ALDH4A1: variants seen among roughly 807,000 people sequenced by gnomAD.
ALDH4A1 encodes the protein delta-1-pyrroline-5-carboxylate dehydrogenase, mitochondrial.
A neutral mutation model predicts 70.5 loss-of-function variants in ALDH4A1; 46 were observed. The observed-to-expected ratio is 0.65, with a 90% CI of 0.51 to 0.83. The LOEUF (loss-of-function observed/expected upper bound fraction) is 0.83. ALDH4A1 is among the 40% of genes least tolerant of loss of function. The probability of loss-of-function intolerance (pLI) is 0.00; values close to 1 mark genes in which losing one functional copy is unlikely to be tolerated. For missense variants in ALDH4A1, 749 were observed against 766.5 expected, an observed-to-expected ratio of 0.98 and a Z score of 0.27; for synonymous variants, 323 against 324.3, an observed-to-expected ratio of 1.00 and a Z score of 0.04.
In ALDH4A1 at chr1:18,874,466, AG is replaced by A. The variant is rs1934581618; in HGVS notation, c.1575del (p.Ser526LeufsTer119). ...VGQQPFGGARASGTNDKPGGP... is the reference protein window; with the variant it reads ...VGQQPFGGARXSGTNDKPGGP... ...GTGGGAAGGGGGACCCACTCACCAG[AG>A]GCTCGGGCCCCCCCAAAGGGCTGCT... On this transcript the variant is annotated frameshift_variant, in exon 14 of 15. Coordinates refer to ENST00000375341, the MANE Select transcript of ALDH4A1 (RefSeq NM_003748.4). LOFTEE classifies it high-confidence loss of function. The A allele has an allele frequency of 3.1e-6, 5 of 1,613,728 alleles. No homozygotes were observed. In the African/African-American group the frequency reaches 6.7e-5, roughly 22 times the overall value.
intron 3 of ALDH4A1, 152 bp from the exon 4 acceptor site, chr1:18,886,663 G>T: frequency 1.2e-6 from 1 of 813,886 alleles, no homozygotes; most frequent in Non-Finnish European, 2.1e-6. Context: ...CCCAGTGCCC[G>T]GCCCACAGGT....
chr1:18,889,591 A>G, intron 2 of ALDH4A1, 137 bp from the exon 3 acceptor site: 1 of 756,760 alleles, frequency 1.3e-6, no homozygotes. Context: ...GTCGGTGGCC[A>G]TCAGAGAACA....
intron 14 of ALDH4A1, among the ~76,000 whole-genome samples, chr1:18,873,297 C>G (rs1461502530): frequency 6.6e-6 from 1 of 152,188 alleles, no homozygotes; most frequent in Non-Finnish European, 1.5e-5. Context: ...AGGTACATAT[C>G]TAGCCTTCAC....
At position 18,879,236 on chromosome 1, in the gene ALDH4A1, T is replaced by A. The variant is rs534677474; in HGVS notation, c.940+64A>T. 15 of 1,483,330 alleles carry A rather than the reference T, an allele frequency of 1.0e-5. No individual in the cohort carries two copies. In the Admixed American group the frequency reaches 2.5e-4, roughly 25 times the overall value. 91.9% of individuals were successfully genotyped at this position (1,483,330 alleles called of 1,614,324 possible). On this transcript the variant is annotated intron_variant, in intron 9 of 14. Transcript: ENST00000375341. ...TGGATCCCCTCTACCTCCCTCCTCT[T>A]TCATAATGGCCAGGGGAGGGGTCCC...
chr1:18,890,597 G>T, intron 1 of ALDH4A1: 2 of 804,530 alleles, frequency 2.5e-6, no homozygotes, highest in Non-Finnish European at 3.0e-6. Context: ...CAAGGTTCAA[G>T]TCCCAGTCCC....
chr1:18,872,995 G>A, intron 14 of ALDH4A1, 38 bp from the exon 15 acceptor site: 1 of 1,542,004 alleles, frequency 6.5e-7, no homozygotes, highest in Non-Finnish European at 9.0e-7. Context: ...CTGAAAAGAT[G>A]CAACAGCCTG....
Position 18,880,545 on chromosome 1 carries a change from C to A in ALDH4A1, c.866+1155G>T, listed in dbSNP as rs1279558628. Among the ~76,000 whole-genome samples, 1 of 152,106 alleles carries A rather than the reference C, an allele frequency of 6.6e-6. No individual in the cohort carries two copies. The highest frequency in any genetic ancestry group is 1.5e-5 in the Non-Finnish European group (1 of 68,020). On this transcript the variant is annotated intron_variant, in intron 8 of 14. Coordinates refer to ENST00000375341, the MANE Select transcript of ALDH4A1 (RefSeq NM_003748.4). This position sits in a 1 kb window ranked among gnomAD's most constrained non-coding sequence, Gnocchi z 5.1. ...GAGGTCAACAGTCCCTGGCCAGTCT[C>A]CTGCATCAGGTCACAGAGAGATCAC... is the stretch of plus-strand genomic sequence containing the variant.
At position 18,902,533 on chromosome 1, in the gene ALDH4A1, G is replaced by A. The variant is rs1464491219; in HGVS notation, c.-10C>T. On this transcript the variant is annotated 5_prime_UTR_variant, in exon 1 of 15. Transcript: ENST00000375341. ...GCGCCGGCAGCAGCATCTCGGGTTA[G>A]AAGCGGGGCTGTTCGCTGGATCGTC... The A allele has an allele frequency of 2.0e-6, 3 of 1,487,436 alleles. No individual in the cohort carries two copies. The highest frequency in any genetic ancestry group is 2.7e-6 in the Non-Finnish European group (3 of 1,119,536). The allele number at this position is 1,487,436 out of a possible 1,614,324, so 92.1% of individuals were successfully genotyped here. A position where few individuals can be genotyped will look rare whatever the true frequency, so the allele number is the denominator to read the frequency against.
chr1:18,874,878 A>G (rs935128849), intron 13 of ALDH4A1, among the ~76,000 whole-genome samples: 1 of 151,988 alleles, frequency 6.6e-6, no homozygotes, highest in African/African-American at 2.4e-5. Context: ...AGCAGCGGAA[A>G]CTCCAGCTCC....
chr1:18,881,582 T>C, intron 8 of ALDH4A1, 118 bp downstream of exon 8: 1 of 1,103,342 alleles, frequency 9.1e-7, no homozygotes, highest in Non-Finnish European at 1.4e-6. Context: ...ACACAGCAAG[T>C]AAGGGAGTAG....
chr1:18,875,298 T>A, intron 13 of ALDH4A1, 84 bp downstream of exon 13: 2 of 1,605,848 alleles, frequency 1.2e-6, no homozygotes, highest in Non-Finnish European at 1.7e-6. Context: ...GCATTATTAC[T>A]GGGAACCACG....
chr1:18,882,411 T>C (rs551970787), intron 7 of ALDH4A1: 13 of 400,352 alleles, frequency 3.2e-5, no homozygotes, highest in South Asian at 2.1e-4. Flanking sequence ...GACAACTATG[T>C]GGACCTCTCC....
At chr1:18,876,488 G>C in intron 11 of ALDH4A1, 21 bp from the exon 12 acceptor site, 1 of 1,566,420 alleles carries the variant, frequency 6.4e-7, no homozygotes, top group Non-Finnish European at 8.6e-7. Context: ...CAGGGAGGAG[G>C]GAGGTCTAAG....
intron 5 of ALDH4A1, among the ~76,000 whole-genome samples, chr1:18,884,085 T>TA (rs1321219236): frequency 1.3e-5 from 2 of 152,148 alleles, no homozygotes; most frequent in Non-Finnish European, 2.9e-5. Flanking sequence ...CACGACCTAT[T>TA]AGAGACACAC....
At chr1:18,899,443 T>C (rs1935725493) in intron 1 of ALDH4A1, among the ~76,000 whole-genome samples, 1 of 152,218 alleles carries the variant, frequency 6.6e-6, no homozygotes, top group African/African-American at 2.4e-5. Flanking sequence ...AGAAGTGAAC[T>C]CTTATAAGCC....
At chr1:18,877,114 T>G in intron 11 of ALDH4A1, 94 bp downstream of exon 11, 1 of 1,484,902 alleles carries the variant, frequency 6.7e-7, no homozygotes, top group South Asian at 1.2e-5. Flanking sequence ...GGCTGGGTCA[T>G]GCCCTGGGTC....
intron 8 of ALDH4A1, among the ~76,000 whole-genome samples, chr1:18,879,660 C>T (rs1934885546): frequency 6.6e-6 from 1 of 152,188 alleles, no homozygotes; most frequent in Non-Finnish European, 1.5e-5. Flanking sequence ...TTCTGCACCT[C>T]ATCTGGGAAA....
Position 18,875,545 on chromosome 1 carries a change from G to GGACCAGGGCCCTGAGCCC in ALDH4A1, c.1339-60_1339-43dup, listed in dbSNP as rs543087545. On this transcript the variant is annotated intron_variant, in intron 12 of 14. Transcript: ENST00000375341. The stretch of plus-strand genomic sequence containing the variant: ...GGCGTCAGACCCTCCACGGGACCAG[G>GGACCAGGGCCCTGAGCCC]GACCAGGGCCCTGAGCCCTCCCAGT... 318 of 1,613,386 alleles carry GGACCAGGGCCCTGAGCCC rather than the reference G, an allele frequency of 2.0e-4. 3 individuals carry two copies. In the South Asian group the frequency reaches 3.3e-3, roughly 17 times the overall value.
intron 7 of ALDH4A1, chr1:18,882,488 C>CA: frequency 1.6e-5 from 8 of 500,806 alleles, no homozygotes; most frequent in South Asian, 1.1e-4. Flanking sequence ...CAGTAATAGC[C>CA]AACCTCACTC....
Sources: allele counts gnomAD v4.1 joint callset (sites outside exome capture counted in the v4.1 genomes callset), GRCh38; gene constraint gnomAD v4.1.1; non-coding constraint Gnocchi (gnomAD v3.1); transcripts MANE v1.5; gene names NCBI Gene and HGNC (gene_info 2026-07-23, HGNC 2026-07-21).